The following FAT4 variants were observed in gnomAD, a reference collection of about 807,000 sequenced individuals.
FAT4 encodes the protein FAT atypical cadherin 4.
In FAT4, 84 loss-of-function variants were observed where a neutral mutation model predicts 303.9. That is an observed-to-expected ratio of 0.28 (90% confidence interval 0.23 to 0.33). The LOEUF (loss-of-function observed/expected upper bound fraction) is 0.33, where lower values mean the gene tolerates loss of function less well. Among genes scored for constraint, FAT4 ranks in the 10% least tolerant of loss-of-function variants. FAT4 has a pLI of 1.00. For synonymous variants in FAT4, 2,307 were observed against 2,298.8 expected (o/e 1.00, Z -0.10); for missense variants, 6,005 against 6,146.8 (o/e 0.98, Z 0.77).
At chr4:125,436,491 G>C (rs1725456410) in intron 8 of FAT4, among the ~76,000 whole-genome samples, 1 of 152,156 alleles carries the variant, frequency 6.6e-6, no homozygotes, top group Non-Finnish European at 1.5e-5. Flanking sequence ...GTGTTTAGAG[G>C]ACATTTAAAA....
intron 5 of FAT4, among the ~76,000 whole-genome samples, chr4:125,413,350 T>C (rs535980735): frequency 2.0e-5 from 3 of 152,000 alleles, no homozygotes; most frequent in Non-Finnish European, 4.4e-5. Context: ...ATCTTCAGAC[T>C]CCTAAGTATT....
chr4:125,473,403 T>C (rs377125219), intron 12 of FAT4, among the ~76,000 whole-genome samples: 3 of 152,250 alleles, frequency 2.0e-5, no homozygotes, highest in Non-Finnish European at 2.9e-5. Context: ...TAGTATAGGT[T>C]ACTGCACTGA....
rs1370648088 is a variant in FAT4 at position 125,315,630 on chromosome 4, C to G, written c.-360C>G. On this transcript the variant is annotated 5_prime_UTR_variant, in exon 1 of 18. Coordinates refer to ENST00000394329, the MANE Select transcript of FAT4 (RefSeq NM_001291303.3). Reference sequence around the variant, plus strand: ...GCCCTGGCTGTTGTTTGTGCCGGACCACGGGCTTGAAGCCGCAACAGGGGC... The same window carrying G: ...GCCCTGGCTGTTGTTTGTGCCGGACGACGGGCTTGAAGCCGCAACAGGGGC... Among the ~76,000 whole-genome samples, 1 of 152,156 alleles carries G rather than the reference C, an allele frequency of 6.6e-6. No homozygotes were observed. Among genetic ancestry groups the G allele is most frequent in the South Asian group, 2.1e-4 (1 of 4,834 alleles).
In FAT4 at chr4:125,352,304, A is replaced by G. The variant is rs190551279; in HGVS notation, c.5175+30718A>G. 3.5e-3 allele frequency among the ~76,000 whole-genome samples: 528 copies of G among 151,726 alleles called. 4 individuals carry two copies. Among genetic ancestry groups the G allele is most frequent in the Admixed American group, 8.6e-3 (131 of 15,192 alleles). On this transcript the variant is annotated intron_variant, in intron 2 of 17. Transcript: ENST00000394329. ...AGAGCTGAAAAAAACCTCAAGGGCCAGGGAAAACTTTGTCACTAGTACTTC... is the reference window on the plus strand; with the variant it reads ...AGAGCTGAAAAAAACCTCAAGGGCCGGGGAAAACTTTGTCACTAGTACTTC...
At position 125,318,853 on chromosome 4, in the gene FAT4, T is replaced by A; in HGVS notation, c.2442T>A (p.Ser814Arg). ...TGGCGCTGGGATATCATGTGGGTAG[T>A]GTGTCTGCATCCACCATGGATCTCA... ...ENVALGYHVGSVSASTMDLNS... is the reference protein window; with the variant it reads ...ENVALGYHVGRVSASTMDLNS... The change falls in exon 2 of 18, where the codon AGT becomes AGA. Residue 814 changes from serine (S) to arginine (R), a missense_variant. Ser to Arg is a moderately radical substitution (Grantham distance 110, BLOSUM62 -1). Coordinates refer to ENST00000394329, the MANE Select transcript of FAT4 (RefSeq NM_001291303.3). 6.2e-7 allele frequency: 1 copy of A among 1,614,162 alleles called. No individual in the cohort carries two copies. The highest frequency in any genetic ancestry group is 8.5e-7 in the Non-Finnish European group (1 of 1,180,032).
chr4:125,489,766 C>A, intron 17 of FAT4, 135 bp from the exon 18 acceptor site: 1 of 655,826 alleles, frequency 1.5e-6, no homozygotes, highest in Non-Finnish European at 2.4e-6. Context: ...GGTTCTGAGA[C>A]TGAGGTTTCT....
intron 2 of FAT4, among the ~76,000 whole-genome samples, chr4:125,347,222 T>C (rs1732038895): frequency 6.6e-6 from 1 of 150,516 alleles, no homozygotes; most frequent in African/African-American, 2.4e-5. Flanking sequence ...ATATATAATA[T>C]ATGGCATATA....
intron 3 of FAT4, among the ~76,000 whole-genome samples, chr4:125,402,220 T>C (rs1363175409): frequency 1.3e-5 from 2 of 152,036 alleles, no homozygotes; most frequent in African/African-American, 4.8e-5. Context: ...AGACAGGGCA[T>C]TTCTAAATAT....
At chr4:125,326,881 C>T (rs190236144) in intron 2 of FAT4, among the ~76,000 whole-genome samples, 18 of 152,070 alleles carry the variant, frequency 1.2e-4, no homozygotes, top group South Asian at 1.0e-3. Flanking sequence ...AAAAATTTGC[C>T]GGGCATGGTG....
chr4:125,370,341 A>G (rs900066166), intron 2 of FAT4, among the ~76,000 whole-genome samples: 3 of 152,200 alleles, frequency 2.0e-5, no homozygotes, highest in African/African-American at 7.2e-5. Context: ...CCAAATTTCC[A>G]GAATGAATGT....
chr4:125,490,940 C>G lies in FAT4; in HGVS notation c.14124C>G (p.Phe4708Leu), dbSNP rs1442425093. Residue 4708 changes from phenylalanine (F) to leucine (L), a missense_variant, in exon 18 of 18, where the codon TTC (phenylalanine) becomes TTG (leucine). Transcript: ENST00000394329. ...TGTCTCGACACAGTCCAGCCCCTTT[C>G]TCCAAATCTTCTACGTTCTATAGAA... ...NPLSRHSPAP[F>L]SKSSTFYRNS... is the part of the protein sequence containing the mutation. The G allele has an allele frequency of 6.2e-7, 1 of 1,614,180 alleles. No homozygotes were observed. Among genetic ancestry groups the G allele is most frequent in the Non-Finnish European group, 8.5e-7 (1 of 1,180,030 alleles).
At chr4:125,454,869 G>C (rs1328695422) in intron 10 of FAT4, among the ~76,000 whole-genome samples, 1 of 152,160 alleles carries the variant, frequency 6.6e-6, no homozygotes, top group Non-Finnish European at 1.5e-5. Context: ...GGTACACTGT[G>C]CAGTATTCAG....
rs759036002 is a variant in FAT4, at chr4:125,451,070, A to G, written c.10060A>G (p.Thr3354Ala). Reference sequence around the variant, plus strand: ...GAAGGGTTTCCAGATCAATAAGAAGACTGGACAGATTTATGTTTCTGGAAT... The same window carrying G: ...GAAGGGTTTCCAGATCAATAAGAAGGCTGGACAGATTTATGTTTCTGGAAT... Reference protein sequence around the residue: ...RKKGFQINKKTGQIYVSGILD... With the variant: ...RKKGFQINKKAGQIYVSGILD... Residue 3354 changes from threonine to alanine, a missense_variant, in exon 10 of 18, where the codon ACT becomes GCT. Physicochemically the swap from Thr to Ala is moderately conservative, Grantham distance 58 (BLOSUM62 0). Coordinates refer to ENST00000394329, the MANE Select transcript of FAT4 (RefSeq NM_001291303.3). 1.2e-6 allele frequency: 2 copies of G among 1,614,006 alleles called. No individual in the cohort carries two copies. The highest frequency in any genetic ancestry group is 1.7e-6 in the Non-Finnish European group (2 of 1,180,016).
chr4:125,392,936 T>G (rs1734027952), intron 2 of FAT4, among the ~76,000 whole-genome samples: 2 of 152,164 alleles, frequency 1.3e-5, no homozygotes, highest in South Asian at 4.1e-4. Context: ...CTTAACATTG[T>G]TTTTCTTAGA....
At chr4:125,410,162 T>C (rs1734789030) in intron 5 of FAT4, among the ~76,000 whole-genome samples, 1 of 152,160 alleles carries the variant, frequency 6.6e-6, no homozygotes, top group Admixed American at 6.6e-5. Context: ...TAAGAGCATT[T>C]TGATGTTTCC....
chr4:125,377,051 G>A (rs1733354046), intron 2 of FAT4, among the ~76,000 whole-genome samples: 1 of 152,074 alleles, frequency 6.6e-6, no homozygotes, highest in South Asian at 2.1e-4. Flanking sequence ...TCCTGAGGTG[G>A]TTGTTATTTT....
At position 125,415,696 on chromosome 4, in the gene FAT4, G is replaced by A. The variant is rs112971995; in HGVS notation, c.6733G>A (p.Val2245Ile). Reference protein sequence around the residue: ...GSTPRTDTSTVSIVLLDINDF... With the variant: ...GSTPRTDTSTISIVLLDINDF... ...CACACCCAGAACTGATACCTCCACG[G>A]TCAGCATTGTTCTACTGGATATTAA... The change falls in exon 6 of 18, where the codon GTC (valine) becomes ATC (isoleucine). Residue 2245 changes from valine to isoleucine, a missense_variant. Coordinates refer to ENST00000394329, the MANE Select transcript of FAT4 (RefSeq NM_001291303.3). 7.7e-4 allele frequency: 1,236 copies of A among 1,613,932 alleles called. 13 individuals are homozygous for A. In the African/African-American group the frequency reaches 0.014, roughly 19 times the overall value.
intron 2 of FAT4, among the ~76,000 whole-genome samples, chr4:125,379,651 G>A (rs530930412): frequency 6.6e-6 from 1 of 151,896 alleles, no homozygotes; most frequent in South Asian, 2.1e-4. Flanking sequence ...GTGGAGACAT[G>A]GTTTCACCAT....
In FAT4 at chr4:125,317,149, C is replaced by T. The variant is rs777290605; in HGVS notation, c.738C>T (p.Asn246=). The T allele has an allele frequency of 4.1e-5, 66 of 1,610,074 alleles. No homozygotes were observed. The highest frequency in any genetic ancestry group is 5.2e-5 in the Non-Finnish European group (61 of 1,177,452). ...TGACTGTGCAAGACATTAATGACAACCCCCCGGTTTTTGGCAGTTCTCACT... is the reference window on the plus strand; with the variant it reads ...TGACTGTGCAAGACATTAATGACAATCCCCCGGTTTTTGGCAGTTCTCACT... The part of the protein sequence containing the change: ...VNVTVQDIND[N]PPVFGSSHYQ... Residue 246 remains asparagine (N), a synonymous_variant, in exon 2 of 18, where the codon AAC becomes AAT. Transcript: ENST00000394329. This position sits in a 1 kb window ranked among gnomAD's most constrained non-coding sequence, Gnocchi z 7.0.
Sources: allele counts gnomAD v4.1 joint callset (sites outside exome capture counted in the v4.1 genomes callset), GRCh38; gene constraint gnomAD v4.1.1; non-coding constraint Gnocchi (gnomAD v3.1); transcripts MANE v1.5; gene names NCBI Gene and HGNC (gene_info 2026-07-23, HGNC 2026-07-21).